LEKR1: variants seen among roughly 807,000 people sequenced by gnomAD.
LEKR1 encodes leucine, glutamate and lysine rich 1.
LEKR1 carries 59 observed loss-of-function variants against 72.4 expected under a neutral mutation model. The ratio of observed to expected loss-of-function variants is 0.82; its 90% CI spans 0.66 to 1.01. The LOEUF is 1.01. Ranked by LOEUF, LEKR1 falls within the 50% of genes least tolerant of loss-of-function variation. The probability of loss-of-function intolerance (pLI) is 0.00; values close to 1 mark genes in which losing one functional copy is unlikely to be tolerated. For missense variants in LEKR1, 728 were observed against 759.2 expected (o/e 0.96, Z 0.48); for synonymous variants, 257 against 263.2 (o/e 0.98, Z 0.23).
At chr3:156,985,188 A>G (rs1215258847) in intron 7 of LEKR1, among the ~76,000 whole-genome samples, 1 of 152,190 alleles carries the variant, frequency 6.6e-6, no homozygotes, top group Non-Finnish European at 1.5e-5. Flanking sequence ...GCACATTTCC[A>G]TAGAGTTACT....
At chr3:157,011,389 A>C in intron 9 of LEKR1, 24 bp from the exon 10 acceptor site, 1 of 1,551,692 alleles carries the variant, frequency 6.4e-7, no homozygotes. Flanking sequence ...GTATTGACTC[A>C]TTTGTCGGGT....
intron 11 of LEKR1, among the ~76,000 whole-genome samples, chr3:157,025,280 C>T (rs973472585): frequency 1.3e-5 from 2 of 152,132 alleles, no homozygotes; most frequent in African/African-American, 4.8e-5. Context: ...TTTTCCCAAC[C>T]ACTAAAGCAT....
At chr3:156,872,746 A>G (rs1021085871) in intron 3 of LEKR1, among the ~76,000 whole-genome samples, 1 of 151,946 alleles carries the variant, frequency 6.6e-6, no homozygotes, top group African/African-American at 2.4e-5. Context: ...GTATTTGTAT[A>G]GTTTCCAAAG....
chr3:157,030,212 C>T (rs906927188), intron 12 of LEKR1, among the ~76,000 whole-genome samples: 4 of 152,152 alleles, frequency 2.6e-5, no homozygotes, highest in Non-Finnish European at 5.9e-5. Flanking sequence ...AGCAAGAACT[C>T]ATTCATCACC....
intron 3 of LEKR1, among the ~76,000 whole-genome samples, chr3:156,877,006 A>G (rs575270168): frequency 1.3e-5 from 2 of 152,208 alleles, no homozygotes; most frequent in African/African-American, 4.8e-5. Context: ...TTCTATGCCA[A>G]TTTTGCTGAG....
At chr3:156,865,692 A>G (rs1434774962) in intron 3 of LEKR1, among the ~76,000 whole-genome samples, 1 of 151,918 alleles carries the variant, frequency 6.6e-6, no homozygotes, top group Admixed American at 6.6e-5. Context: ...TATCTGTCAT[A>G]GGTTCATGTT....
In LEKR1 at chr3:156,899,816, G is replaced by A. The variant is rs146497573; in HGVS notation, c.264-20759G>A. Among the ~76,000 whole-genome samples the A allele has an allele frequency of 2.9e-3, 431 of 147,688 alleles. 1 individual carries two copies. The highest frequency in any genetic ancestry group is 1.0e-2 in the African/African-American group (399 of 40,096). On this transcript the variant is annotated intron_variant, in intron 3 of 12. Coordinates refer to ENST00000356539, the MANE Select transcript of LEKR1 (RefSeq NM_001004316.3). Reference sequence around the variant, plus strand: ...TATACATGTATATATACATATGTACGTATATATGTATATATATGTACATAT... The same window carrying A: ...TATACATGTATATATACATATGTACATATATATGTATATATATGTACATAT...
intron 6 of LEKR1, among the ~76,000 whole-genome samples, chr3:156,971,046 A>G (rs1729134446): frequency 6.6e-6 from 1 of 152,062 alleles, no homozygotes; most frequent in Non-Finnish European, 1.5e-5. Flanking sequence ...ATCCTAAGCC[A>G]AAAGAACAAA....
At chr3:156,958,304 A>G (rs901408935) in intron 6 of LEKR1, among the ~76,000 whole-genome samples, 4 of 152,186 alleles carry the variant, frequency 2.6e-5, no homozygotes, top group Non-Finnish European at 5.9e-5. Context: ...AACTGATTAT[A>G]CCAACATATT....
At chr3:156,973,471 G>T (rs1399571205) in intron 6 of LEKR1, among the ~76,000 whole-genome samples, 1 of 152,122 alleles carries the variant, frequency 6.6e-6, no homozygotes, top group East Asian at 1.9e-4. Flanking sequence ...AGCTCCTTGT[G>T]CTTCCCAGCA....
intron 5 of LEKR1, among the ~76,000 whole-genome samples, chr3:156,935,950 T>G (rs1253332233): frequency 1.3e-5 from 2 of 152,232 alleles, no homozygotes; most frequent in Non-Finnish European, 2.9e-5. Flanking sequence ...AATGAACATT[T>G]TAACATAAAA....
At chr3:156,838,805 C>T (rs913353269) in intron 2 of LEKR1, among the ~76,000 whole-genome samples, 12 of 152,076 alleles carry the variant, frequency 7.9e-5, no homozygotes, top group Non-Finnish European at 1.6e-4. Context: ...TGCAGGCAGG[C>T]ACCCACAAAG....
At chr3:156,926,242 C>T (rs1724705868) in intron 4 of LEKR1, among the ~76,000 whole-genome samples, 1 of 151,956 alleles carries the variant, frequency 6.6e-6, no homozygotes, top group African/African-American at 2.4e-5. Flanking sequence ...TAAACTGGCC[C>T]ATGAGTTTCA....
At chr3:156,964,272 C>A (rs907719031) in intron 6 of LEKR1, among the ~76,000 whole-genome samples, 2 of 151,972 alleles carry the variant, frequency 1.3e-5, no homozygotes, top group South Asian at 2.1e-4. Context: ...ACCCTTCCCC[C>A]CTCCTATTTT....
intron 6 of LEKR1, among the ~76,000 whole-genome samples, chr3:156,962,812 C>T (rs554249407): frequency 9.9e-5 from 15 of 152,250 alleles, no homozygotes; most frequent in African/African-American, 2.6e-4. Context: ...GGTTCATTCT[C>T]TAGTCATTTT....
rs141804061 is a variant in LEKR1, at chr3:156,955,840, T to C, written c.745+13126T>C. ...TGTTGTTGTTGTTGTTGTTGTTACA[T>C]CTCTGCCAGGTTTGGCTATTAGGAT... On this transcript the variant is annotated intron_variant, in intron 6 of 12. Transcript: ENST00000356539. Among the ~76,000 whole-genome samples, 59 of 151,402 alleles carry C rather than the reference T, an allele frequency of 3.9e-4. No individual in the cohort carries two copies. In the East Asian group the frequency reaches 0.011, roughly 29 times the overall value.
chr3:156,837,237 T>C (rs1347361202), intron 2 of LEKR1, among the ~76,000 whole-genome samples: 3 of 152,218 alleles, frequency 2.0e-5, no homozygotes, highest in African/African-American at 7.2e-5. Context: ...CTCTCTGTAA[T>C]GGGCTTAAGA....
chr3:156,846,993 T>C (rs1311680166), intron 2 of LEKR1, among the ~76,000 whole-genome samples: 4 of 151,942 alleles, frequency 2.6e-5, no homozygotes, highest in Admixed American at 6.6e-5. Context: ...TTAAAAAATT[T>C]TTTGTAGAAA....
rs369547956 is a variant in LEKR1 at position 156,947,469 on chromosome 3, T to C, written c.745+4755T>C. ...TATGTCCCAATAAACCCATCCTAACTTGAAAATATTGTAAGTAAAAAAATG... is the reference window on the plus strand; with the variant it reads ...TATGTCCCAATAAACCCATCCTAACCTGAAAATATTGTAAGTAAAAAAATG... On this transcript the variant is annotated intron_variant, in intron 6 of 12. Transcript: ENST00000356539. Among the ~76,000 whole-genome samples, 31 of 151,302 alleles carry C rather than the reference T, an allele frequency of 2.0e-4. No individual in the cohort carries two copies. In the South Asian group the frequency reaches 6.2e-3, roughly 30 times the overall value.
Sources: gnomAD v4.1 joint callset for allele counts (sites outside exome capture counted in the v4.1 genomes callset) on GRCh38, gnomAD v4.1.1 for gene constraint, MANE v1.5 for transcripts, NCBI Gene and HGNC (gene_info 2026-07-23, HGNC 2026-07-21) for gene names.